The following MRC1 variants were observed in gnomAD, a reference collection of about 807,000 sequenced individuals.
The protein encoded by MRC1 is macrophage mannose receptor 1.
In MRC1, 62 loss-of-function variants were observed where a neutral mutation model predicts 102.9. The ratio of observed to expected loss-of-function variants is 0.60; its 90% CI spans 0.49 to 0.74. The LOEUF (loss-of-function observed/expected upper bound fraction) is 0.74, where lower values mean the gene tolerates loss of function less well. Among genes scored for constraint, MRC1 ranks in the 30% least tolerant of loss-of-function variants. The probability of loss-of-function intolerance (pLI) is 0.00; values close to 1 mark genes in which losing one functional copy is unlikely to be tolerated. For synonymous variants in MRC1, 457 were observed against 298.4 expected, an observed-to-expected ratio of 1.53 and a Z score of -5.48; for missense variants, 1,237 against 862.8, an observed-to-expected ratio of 1.43 and a Z score of -5.43.
At chr10:17,848,866 C>T (rs1447924973) in intron 6 of MRC1, among the ~76,000 whole-genome samples, 1 of 152,126 alleles carries the variant, frequency 6.6e-6, no homozygotes, top group African/African-American at 2.4e-5. Context: ...ACTCATGTGG[C>T]TATGGTGGCG....
chr10:17,814,637 A>G (rs1838277611), intron 1 of MRC1, among the ~76,000 whole-genome samples: 1 of 150,020 alleles, frequency 6.7e-6, no homozygotes, highest in African/African-American at 2.5e-5. Context: ...CCCTGAGGCT[A>G]GAAACCCTGC....
At chr10:17,881,319 A>T (rs1209153255) in intron 21 of MRC1, 138 bp downstream of exon 21, 2 of 667,126 alleles carry the variant, frequency 3.0e-6, no homozygotes, top group African/African-American at 3.6e-5. Context: ...TCAAATGCTT[A>T]TTGAAAACTA....
At chr10:17,861,922 T>TCTTTG (rs1258811286) in intron 10 of MRC1, among the ~76,000 whole-genome samples, 13 of 152,304 alleles carry the variant, frequency 8.5e-5, no homozygotes, top group African/African-American at 2.6e-4. Context: ...AGTCTTCCAT[T>TCTTTG]CTTTGCTTTG....
intron 29 of MRC1, 110 bp from the exon 30 acceptor site, chr10:17,910,105 C>T (rs1228933709): frequency 7.9e-6 from 6 of 756,814 alleles, no homozygotes; most frequent in Admixed American, 3.6e-5. Context: ...TGACAAATGT[C>T]GCTTGAAAGA....
In MRC1 at chr10:17,828,963, A is replaced by G. The variant is rs1838526437; in HGVS notation, c.637+1248A>G. 2.0e-5 allele frequency among the ~76,000 whole-genome samples: 3 copies of G among 151,384 alleles called. No homozygotes were observed. In the South Asian group the frequency reaches 6.2e-4, roughly 31 times the overall value. On this transcript the variant is annotated intron_variant, in intron 3 of 29. Transcript: ENST00000569591. Reference sequence around the variant, plus strand: ...TATTCCTCTTAGCTTCACGTTCCCCATCACCAGACACCCTCCTCCTGATGC... The same window carrying G: ...TATTCCTCTTAGCTTCACGTTCCCCGTCACCAGACACCCTCCTCCTGATGC...
chr10:17,840,516 G>A (rs554982179), intron 4 of MRC1, among the ~76,000 whole-genome samples, 177 bp from the exon 5 acceptor site: 1,549 of 152,222 alleles, frequency 0.01, 42 homozygotes, highest in African/African-American at 0.034. Context: ...TATCAGTGAA[G>A]GTAATAATTT....
In MRC1 at chr10:17,833,880, T is replaced by C. The variant is rs76205826; in HGVS notation, c.802+41T>C. On this transcript the variant is annotated intron_variant, in intron 4 of 29. Transcript: ENST00000569591. Reference sequence around the variant, plus strand: ...GTCTCAAGTAAAATCATGACTGCTTTATTTTTATATAATTTAACTTAGAAG... The same window carrying C: ...GTCTCAAGTAAAATCATGACTGCTTCATTTTTATATAATTTAACTTAGAAG... 5.7e-3 allele frequency: 4,393 copies of C among 777,166 alleles called. 141 individuals are homozygous for C. The African/African-American group carries it at 0.066, about 12-fold the overall frequency. 48.1% of individuals were successfully genotyped at this position (777,166 alleles called of 1,614,324 possible). A position where few individuals can be genotyped will look rare whatever the true frequency, so the allele number is the denominator to read the frequency against.
At position 17,866,327 on chromosome 10, in the gene MRC1, A is replaced by G. The variant is rs190575685; in HGVS notation, c.1784-235A>G. 1.3e-4 allele frequency among the ~76,000 whole-genome samples: 20 copies of G among 152,326 alleles called. No individual in the cohort carries two copies. The East Asian group carries it at 3.9e-3, about 29-fold the overall frequency. On this transcript the variant is annotated intron_variant, in intron 11 of 29. Transcript: ENST00000569591. ...AAGGAGGGAGGGAGAGAGAAGCAGT[A>G]AACTATTTTTGCCATTATGGTGAAT...
rs1316257502 is a variant in MRC1 at position 17,840,738 on chromosome 10, G to T, written c.848G>T (p.Ser283Ile). 2.6e-6 allele frequency: 2 copies of T among 780,844 alleles called. No individual in the cohort carries two copies. Among genetic ancestry groups the T allele is most frequent in the African/African-American group, 3.4e-5 (2 of 59,252 alleles). The allele number at this position is 780,844 out of a possible 1,614,324, so 48.4% of individuals were successfully genotyped here. The change falls in exon 5 of 30, where the codon AGT (serine) becomes ATT (isoleucine). Residue 283 changes from serine (S) to isoleucine (I), a missense_variant. Physicochemically the swap from Ser to Ile is moderately radical, Grantham distance 142. Coordinates refer to ENST00000569591, the MANE Select transcript of MRC1 (RefSeq NM_002438.4). ...TCAGGACTCTGGATTGGACTTAACA[G>T]TCTGAGCTTCAACAGCGGTTGGCAG... ...LTSGLWIGLN[S>I]LSFNSGWQWS...
At chr10:17,896,542 G>A (rs934736270) in intron 23 of MRC1, among the ~76,000 whole-genome samples, 20 of 152,300 alleles carry the variant, frequency 1.3e-4, no homozygotes, top group Non-Finnish European at 2.8e-4. Context: ...GATAGAATAT[G>A]TTGCCACAAA....
chr10:17,817,517 G>T (rs1554837978), intron 1 of MRC1, among the ~76,000 whole-genome samples: 1 of 152,068 alleles, frequency 6.6e-6, no homozygotes, highest in Non-Finnish European at 1.5e-5. Flanking sequence ...GTTTGTCTTT[G>T]TATTGTCATT....
chr10:17,832,577 A>G lies in MRC1; in HGVS notation c.638-1098A>G, dbSNP rs946518674. Among the ~76,000 whole-genome samples the G allele has an allele frequency of 1.8e-4, 27 of 146,740 alleles. 1 individual carries two copies. Among genetic ancestry groups the G allele is most frequent in the African/African-American group, 6.5e-4 (25 of 38,432 alleles). On this transcript the variant is annotated intron_variant, in intron 3 of 29. Coordinates refer to ENST00000569591, the MANE Select transcript of MRC1 (RefSeq NM_002438.4). ...CTCAAACAAAACAAAACAAACAAAA[A>G]AAGTTTTATTTTTATTTATTTAGTT...
chr10:17,891,907 G>A (rs568262373), intron 22 of MRC1, among the ~76,000 whole-genome samples: 62 of 152,266 alleles, frequency 4.1e-4, no homozygotes, highest in African/African-American at 1.3e-3. Flanking sequence ...GAAGTATTTC[G>A]TAGTCCTATG....
rs1838851830 is a variant in MRC1 at position 17,847,992 on chromosome 10, T to A, written c.1064-1587T>A. ...TTGTATTGAGGGAATAGAATTTTTT[T>A]AAATATGCATTTTTTATTACAATTG... On this transcript the variant is annotated intron_variant, in intron 6 of 29. Transcript: ENST00000569591. 2.0e-5 allele frequency among the ~76,000 whole-genome samples: 3 copies of A among 152,194 alleles called. No individual in the cohort carries two copies. In the South Asian group the frequency reaches 6.2e-4, roughly 32 times the overall value.
At chr10:17,875,914 C>T (rs1053127884) in intron 17 of MRC1, among the ~76,000 whole-genome samples, 34 of 152,184 alleles carry the variant, frequency 2.2e-4, no homozygotes, top group Non-Finnish European at 4.6e-4. Context: ...TCACCACATC[C>T]ATGCCAACAT....
chr10:17,810,234 A>G (rs2130563631), intron 1 of MRC1, among the ~76,000 whole-genome samples: 1 of 151,968 alleles, frequency 6.6e-6, no homozygotes, highest in East Asian at 1.9e-4. Flanking sequence ...ATTTCTCTAT[A>G]CTCAGTTGCT....
At chr10:17,881,284 G>A (rs1833512686) in intron 21 of MRC1, 103 bp downstream of exon 21, 3 of 723,346 alleles carry the variant, frequency 4.1e-6, no homozygotes, top group Non-Finnish European at 7.6e-6. Context: ...GTTTTCCAGT[G>A]TAAAAGCTAA....
At chr10:17,867,383 CTT>C (rs1833290674) in intron 12 of MRC1, among the ~76,000 whole-genome samples, 3 of 134,664 alleles carry the variant, frequency 2.2e-5, no homozygotes, top group East Asian at 2.1e-4. Flanking sequence ...TCTTCTTCTT[CTT>C]CTCCTTCTTC....
rs1333195772 is a variant in MRC1, at chr10:17,870,872, G to A, written c.2136G>A (p.Leu712=). The part of the protein sequence containing the change: ...LITASGSYHK[L]FWLGLTYGSP... ...GAGCTAGTGGAAGCTACCACAAACT[G>A]TTTTGGTTGGGATTGACATATGGAA... The change falls in exon 14 of 30, where the codon CTG becomes CTA. Residue 712 remains leucine, a synonymous_variant. Transcript: ENST00000569591. The A allele has an allele frequency of 3.3e-5, 29 of 872,308 alleles. No individual in the cohort carries two copies. Among genetic ancestry groups the A allele is most frequent in the Admixed American group, 1.2e-4 (7 of 59,156 alleles). The allele number at this position is 872,308 out of a possible 1,614,324, so 54.0% of individuals were successfully genotyped here.
Sources: allele counts gnomAD v4.1 joint callset (sites outside exome capture counted in the v4.1 genomes callset), GRCh38; gene constraint gnomAD v4.1.1; transcripts MANE v1.5; gene names NCBI Gene and HGNC (gene_info 2026-07-23, HGNC 2026-07-21).